The following ANAPC1 variants were observed in gnomAD, a reference collection of about 807,000 sequenced individuals.
ANAPC1 encodes the protein anaphase promoting complex subunit 1, also known as anaphase-promoting complex subunit 1.
A neutral mutation model predicts 208.0 loss-of-function variants in ANAPC1; 36 were observed. The ratio of observed to expected loss-of-function variants is 0.17; its 90% CI spans 0.13 to 0.23. The LOEUF (loss-of-function observed/expected upper bound fraction) is 0.23. ANAPC1 is among the 10% of genes least tolerant of loss of function. The pLI, the probability that ANAPC1 is intolerant of heterozygous loss-of-function variation, is 1.00. For missense variants in ANAPC1, 942 were observed against 2,011.6 expected (o/e 0.47, Z 10.17); for synonymous variants, 378 against 695.2 (o/e 0.54, Z 7.18).
At chr2:111,873,468 A>T in intron 4 of ANAPC1, 60 bp from the exon 5 acceptor site, 1 of 1,564,250 alleles carries the variant, frequency 6.4e-7, no homozygotes, top group African/African-American at 1.4e-5. Flanking sequence ...GTTCAATCCT[A>T]ACAGCACAAA....
At chr2:111,864,474 T>TAC (rs1558735058) in intron 8 of ANAPC1, among the ~76,000 whole-genome samples, 1 of 140,158 alleles carries the variant, frequency 7.1e-6, no homozygotes, top group Non-Finnish European at 1.6e-5. Context: ...TTTTTTTTTT[T>TAC]TTTTTTTTGA....
chr2:111,831,817 A>G (rs1216572140), intron 20 of ANAPC1, among the ~76,000 whole-genome samples: 2 of 87,478 alleles, frequency 2.3e-5, no homozygotes, highest in African/African-American at 9.3e-5. Flanking sequence ...ACAGAGCGAG[A>G]CTCTGTCTCA....
intron 14 of ANAPC1, among the ~76,000 whole-genome samples, chr2:111,850,259 A>G (rs11885345): frequency 0.67 from 97,056 of 144,820 alleles, 32,958 homozygotes; most frequent in African/African-American, 0.73. Flanking sequence ...AAAATGTTCC[A>G]CATTATCTGG....
chr2:111,882,077 G>A (rs1421441737), intron 1 of ANAPC1, among the ~76,000 whole-genome samples: 3 of 151,988 alleles, frequency 2.0e-5, no homozygotes, highest in South Asian at 2.1e-4. Flanking sequence ...CCAGCTACTC[G>A]GGAGGCTGAG....
chr2:111,852,980 A>C (rs1357171709), intron 13 of ANAPC1, among the ~76,000 whole-genome samples: 2 of 146,604 alleles, frequency 1.4e-5, no homozygotes, highest in Non-Finnish European at 3.1e-5. Context: ...AGAGAGAGAT[A>C]CTGTATCAAA....
chr2:111,829,683 G>A (rs1435911446), intron 21 of ANAPC1, among the ~76,000 whole-genome samples: 1 of 151,132 alleles, frequency 6.6e-6, no homozygotes, highest in Non-Finnish European at 1.5e-5. Context: ...TGCAGCTAGA[G>A]GTAAACAAAA....
chr2:111,824,759 G>T (rs1679736846), intron 24 of ANAPC1, among the ~76,000 whole-genome samples: 1 of 152,110 alleles, frequency 6.6e-6, no homozygotes, highest in Non-Finnish European at 1.5e-5. Context: ...GATTCCTTAT[G>T]CATCAAGATA....
In ANAPC1 at chr2:111,794,335, T is replaced by G. The variant is rs1392410003; in HGVS notation, c.4374-12A>C. The G allele has an allele frequency of 1.9e-6, 3 of 1,555,984 alleles. No individual in the cohort carries two copies. Among genetic ancestry groups the G allele is most frequent in the Non-Finnish European group, 2.6e-6 (3 of 1,145,684 alleles). On this transcript the variant is annotated splice_polypyrimidine_tract_variant and intron_variant, in intron 35 of 47. Transcript: ENST00000341068. ...AGACATGTGCTTGGCTGAAAACAGG[T>G]GACAAGAAATTTAATAATCATTATT...
rs1330822508 is a variant in ANAPC1 at position 111,798,966 on chromosome 2, G to A, written c.4296+1831C>T. Reference sequence around the variant, plus strand: ...GGAGAATGGCGTGAACCTGGGAGGCGGAGCTTGCAGTGAGCCGAGATCACA... The same window carrying A: ...GGAGAATGGCGTGAACCTGGGAGGCAGAGCTTGCAGTGAGCCGAGATCACA... On this transcript the variant is annotated intron_variant, in intron 34 of 47. Coordinates refer to ENST00000341068, the MANE Select transcript of ANAPC1 (RefSeq NM_022662.4). 3.4e-3 allele frequency among the ~76,000 whole-genome samples: 510 copies of A among 150,440 alleles called. 5 individuals carry two copies. The highest frequency in any genetic ancestry group is 1.4e-3 in the Non-Finnish European group (96 of 67,422).
In ANAPC1 at chr2:111,861,304, G is replaced by A. The variant is rs541900751; in HGVS notation, c.1262+1085C>T. Among the ~76,000 whole-genome samples the A allele has an allele frequency of 4.2e-4, 64 of 152,260 alleles. No individual in the cohort carries two copies. In the South Asian group the frequency reaches 8.3e-3, roughly 20 times the overall value. ...TTGGGCAGGTTGGTCTTGAACTCCT[G>A]AGCTCAAGTGATCCATCTGCCTCAG... On this transcript the variant is annotated intron_variant, in intron 10 of 47. Transcript: ENST00000341068.
At chr2:111,792,869 C>T (rs1025961207) in intron 37 of ANAPC1, among the ~76,000 whole-genome samples, 1 of 152,098 alleles carries the variant, frequency 6.6e-6, no homozygotes. Flanking sequence ...AGAAGAATGG[C>T]GTGAACCCGG....
At chr2:111,832,884 G>A (rs960732441) in intron 20 of ANAPC1, among the ~76,000 whole-genome samples, 2 of 134,720 alleles carry the variant, frequency 1.5e-5, no homozygotes, top group Non-Finnish European at 3.1e-5. Flanking sequence ...CTTGCAGTGA[G>A]CCAAGATCGC....
chr2:111,846,655 C>T (rs1367636420), intron 16 of ANAPC1, among the ~76,000 whole-genome samples: 4 of 146,038 alleles, frequency 2.7e-5, no homozygotes, highest in Admixed American at 7.0e-5. Flanking sequence ...CTGCAACCTC[C>T]GCATTCTGGG....
intron 9 of ANAPC1, among the ~76,000 whole-genome samples, chr2:111,863,112 A>C (rs1035591090): frequency 4.6e-5 from 7 of 152,194 alleles, no homozygotes. Flanking sequence ...ACTGTTGCCC[A>C]CATAGTGGTA....
At position 111,832,937 on chromosome 2, in the gene ANAPC1, C is replaced by CAAAAAAAAAAAAAAAAAAAAAAAA. The variant is rs908553180; in HGVS notation, c.2476+282_2476+283insTTTTTTTTTTTTTTTTTTTTTTTT. Among the ~76,000 whole-genome samples the CAAAAAAAAAAAAAAAAAAAAAAAA allele has an allele frequency of 7.5e-4, 40 of 53,618 alleles. 4 individuals are homozygous for CAAAAAAAAAAAAAAAAAAAAAAAA. Among genetic ancestry groups the CAAAAAAAAAAAAAAAAAAAAAAAA allele is most frequent in the Admixed American group, 1.4e-3 (5 of 3,592 alleles). 35.2% of individuals were successfully genotyped at this position (53,618 alleles called of 152,430 possible). A position where few individuals can be genotyped will look rare whatever the true frequency, so the allele number is the denominator to read the frequency against. ...TGGGTGACAGAGCGAGACTCAGTCT[C>CAAAAAAAAAAAAAAAAAAAAAAAA]AAAAAAAAAAAAAAAAAAAGCATCC... On this transcript the variant is annotated intron_variant, in intron 20 of 47. Coordinates refer to ENST00000341068, the MANE Select transcript of ANAPC1 (RefSeq NM_022662.4).
chr2:111,868,311 C>T (rs761676785), intron 6 of ANAPC1, among the ~76,000 whole-genome samples: 3 of 152,116 alleles, frequency 2.0e-5, no homozygotes, highest in Admixed American at 1.3e-4. Context: ...TATCAATGCA[C>T]GAACAGAGGG....
Position 111,863,511 on chromosome 2 carries a change from CAAAA to C in ANAPC1, c.1052+160_1052+163del, listed in dbSNP as rs372062409. 1.1e-3 allele frequency among the ~76,000 whole-genome samples: 137 copies of C among 122,564 alleles called. 4 individuals carry two copies. Among genetic ancestry groups the C allele is most frequent in the Admixed American group, 1.7e-3 (21 of 12,492 alleles). 80.4% of individuals were successfully genotyped at this position (122,564 alleles called of 152,430 possible). ...TGGGTGACACAGCAAGACTCCGTCT[CAAAA>C]AAAAAAAAAAAAAAAAAGGCTCAAT... On this transcript the variant is annotated intron_variant, in intron 9 of 47. Coordinates refer to ENST00000341068, the MANE Select transcript of ANAPC1 (RefSeq NM_022662.4).
chr2:111,860,254 G>C (rs888281070), intron 10 of ANAPC1, among the ~76,000 whole-genome samples: 1 of 151,750 alleles, frequency 6.6e-6, no homozygotes, highest in African/African-American at 2.4e-5. Context: ...AGCTGTGATT[G>C]AGTCACTCAC....
At chr2:111,843,314 A>G in intron 17 of ANAPC1, 98 bp downstream of exon 17, 2 of 1,132,866 alleles carry the variant, frequency 1.8e-6, no homozygotes, top group South Asian at 1.4e-5. Flanking sequence ...TATTTTGAAT[A>G]TGGTACGCCT....
Sources: allele counts gnomAD v4.1 joint callset (sites outside exome capture counted in the v4.1 genomes callset), GRCh38; gene constraint gnomAD v4.1.1; transcripts MANE v1.5; gene names NCBI Gene and HGNC (gene_info 2026-07-23, HGNC 2026-07-21).